The following PYROXD2 variants were observed in gnomAD, a reference collection of about 807,000 sequenced individuals.
PYROXD2 encodes pyridine nucleotide-disulphide oxidoreductase domain 2.
A neutral mutation model predicts 71.1 loss-of-function variants in PYROXD2; 69 were observed. The ratio of observed to expected loss-of-function variants is 0.97; its 90% CI spans 0.80 to 1.19. The LOEUF is 1.19. Ranked by LOEUF, PYROXD2 falls within the 50% of genes most tolerant of loss-of-function variation. The pLI is 0.00. For missense variants in PYROXD2, 745 were observed against 748.9 expected, an observed-to-expected ratio of 0.99 and a Z score of 0.06; for synonymous variants, 287 against 302.7, an observed-to-expected ratio of 0.95 and a Z score of 0.54.
chr10:98,407,187 C>G (rs1263464752), intron 4 of PYROXD2, among the ~76,000 whole-genome samples: 2 of 152,134 alleles, frequency 1.3e-5, no homozygotes, highest in African/African-American at 2.4e-5. Context: ...AGTCCCCAGG[C>G]CCCACTTCCT....
chr10:98,409,095 T>C (rs987306484), intron 2 of PYROXD2, among the ~76,000 whole-genome samples: 1 of 152,170 alleles, frequency 6.6e-6, no homozygotes, highest in Non-Finnish European at 1.5e-5. Flanking sequence ...GCACGCAAGG[T>C]GAGCTGCGTC....
Position 98,392,995 on chromosome 10 carries a change from C to G in PYROXD2, c.874G>C (p.Asp292His), listed in dbSNP as rs775549619. 1 of 1,613,784 alleles carries G rather than the reference C, an allele frequency of 6.2e-7. No individual in the cohort carries two copies. The highest frequency in any genetic ancestry group is 8.5e-7 in the Non-Finnish European group (1 of 1,179,774). ...YVQGGMGALS[D>H]AIASSATTHG... Reference sequence around the variant, plus strand: ...GTGGTGGCTGAGCTTGCGATCGCATCAGAGAGGGCACCCATGCCCCCCTGG... The same window carrying G: ...GTGGTGGCTGAGCTTGCGATCGCATGAGAGAGGGCACCCATGCCCCCCTGG... The change falls in exon 9 of 16, where the codon GAT becomes CAT. Residue 292 changes from aspartate (D) to histidine (H), a missense_variant. By Grantham distance (81) the Asp-to-His change is moderately conservative. Coordinates refer to ENST00000370575, the MANE Select transcript of PYROXD2 (RefSeq NM_032709.3).
intron 2 of PYROXD2, 125 bp from the exon 3 acceptor site, chr10:98,408,122 C>T: frequency 2.6e-6 from 2 of 774,436 alleles, no homozygotes; most frequent in Non-Finnish European, 4.1e-6. Context: ...CATGGCCTCC[C>T]TGCCCCGCTC....
At chr10:98,401,432 C>T (rs1843406971) in intron 4 of PYROXD2, among the ~76,000 whole-genome samples, 1 of 152,032 alleles carries the variant, frequency 6.6e-6, no homozygotes, top group Admixed American at 6.6e-5. Context: ...CTGTACACTA[C>T]TGCACACTTT....
chr10:98,414,722 C>T (rs1308281858), intron 1 of PYROXD2: 4 of 373,566 alleles, frequency 1.1e-5, no homozygotes, highest in Non-Finnish European at 1.9e-5. Context: ...AGGGAAACCC[C>T]TGAGCTCACC....
chr10:98,390,366 C>G (rs1465473474), intron 12 of PYROXD2, among the ~76,000 whole-genome samples: 1 of 152,164 alleles, frequency 6.6e-6, no homozygotes, highest in African/African-American at 2.4e-5. Flanking sequence ...AGTGCTCTGC[C>G]CCTCTGCCCC....
rs764388899 is a variant in PYROXD2 at position 98,391,087 on chromosome 10, AAGG to A, written c.1063-8_1063-6del. The A allele has an allele frequency of 1.6e-5, 26 of 1,601,656 alleles. No individual in the cohort carries two copies. Among genetic ancestry groups the A allele is most frequent in the African/African-American group, 1.6e-4 (12 of 74,630 alleles). On this transcript the variant is annotated splice_polypyrimidine_tract_variant and splice_region_variant and intron_variant, in intron 10 of 15. Coordinates refer to ENST00000370575, the MANE Select transcript of PYROXD2 (RefSeq NM_032709.3). ...GAACTCCTCAGGAAGCCACTCCTGG[AAGG>A]AGAAGGCTCCATGAAAGGCCTCAGA...
chr10:98,396,364 C>T (rs755574760), intron 6 of PYROXD2, among the ~76,000 whole-genome samples: 2 of 152,204 alleles, frequency 1.3e-5, no homozygotes, highest in African/African-American at 2.4e-5. Context: ...TGGAGCAGAG[C>T]TGCCTCCACT....
At chr10:98,394,081 A>G (rs1202259097) in intron 8 of PYROXD2, among the ~76,000 whole-genome samples, 1 of 152,176 alleles carries the variant, frequency 6.6e-6, no homozygotes, top group Non-Finnish European at 1.5e-5. Flanking sequence ...TCCTCCTAGC[A>G]TCACACTCAC....
intron 4 of PYROXD2, among the ~76,000 whole-genome samples, chr10:98,403,714 C>T (rs1311879787): frequency 2.0e-5 from 3 of 152,202 alleles, no homozygotes; most frequent in Admixed American, 1.3e-4. Flanking sequence ...GATGTCCTTC[C>T]TGGTCACCAT....
rs1001725467 is a variant in PYROXD2, at chr10:98,383,723, C to T, written c.*75G>A. On this transcript the variant is annotated 3_prime_UTR_variant, in exon 16 of 16. Coordinates refer to ENST00000370575, the MANE Select transcript of PYROXD2 (RefSeq NM_032709.3). Reference sequence around the variant, plus strand: ...TATGTACTAACCCGAAGCTGAACTTCCTGGGAAGCTGATCCAATGGAGCAC... The same window carrying T: ...TATGTACTAACCCGAAGCTGAACTTTCTGGGAAGCTGATCCAATGGAGCAC... 404 of 1,316,150 alleles carry T rather than the reference C, an allele frequency of 3.1e-4. 3 individuals are homozygous for T. Among genetic ancestry groups the T allele is most frequent in the Non-Finnish European group, 6.2e-5 (56 of 908,518 alleles). 81.5% of individuals were successfully genotyped at this position (1,316,150 alleles called of 1,614,324 possible).
In PYROXD2 at chr10:98,385,058, G is replaced by A. The variant is rs1842706951; in HGVS notation, c.1564C>T (p.His522Tyr). ...AGCTGGTCCAGGGACATGGCGCAGT[G>A]GAATATGTTCTGCAGAGGCAGGGCC... ...IFGLPGGNIF[H>Y]CAMSLDQLYF... Residue 522 changes from histidine to tyrosine, a missense_variant, in exon 15 of 16, where the codon CAC becomes TAC. Physicochemically the swap from His to Tyr is moderately conservative, Grantham distance 83 (BLOSUM62 2). Coordinates refer to ENST00000370575, the MANE Select transcript of PYROXD2 (RefSeq NM_032709.3). 6.2e-7 allele frequency: 1 copy of A among 1,613,704 alleles called. No individual in the cohort carries two copies. Among genetic ancestry groups the A allele is most frequent in the African/African-American group, 1.3e-5 (1 of 74,934 alleles).
chr10:98,408,843 A>C (rs909667049), intron 2 of PYROXD2, among the ~76,000 whole-genome samples: 4 of 152,188 alleles, frequency 2.6e-5, no homozygotes, highest in Non-Finnish European at 4.4e-5. Flanking sequence ...CAGTGAGTAC[A>C]TTGTCTTGTT....
intron 8 of PYROXD2, among the ~76,000 whole-genome samples, chr10:98,393,690 A>G (rs957917312): frequency 2.0e-5 from 3 of 152,026 alleles, no homozygotes; most frequent in African/African-American, 7.3e-5. Context: ...TCTCTCCTGC[A>G]GGTCTTGTCC....
intron 5 of PYROXD2, among the ~76,000 whole-genome samples, 193 bp downstream of exon 5, chr10:98,399,909 T>A (rs1454134995): frequency 6.6e-6 from 1 of 152,204 alleles, no homozygotes; most frequent in African/African-American, 2.4e-5. Context: ...CTGGTCTTAA[T>A]CAGCATCCTC....
chr10:98,389,594 C>T (rs74154406), intron 12 of PYROXD2, among the ~76,000 whole-genome samples: 6,831 of 152,282 alleles, frequency 0.045, 275 homozygotes, highest in Admixed American at 0.092. Context: ...TCCTATACAG[C>T]AGCACACTCC....
In PYROXD2 at chr10:98,390,713, C is replaced by T; in HGVS notation, c.1177G>A (p.Ala393Thr). Residue 393 changes from alanine to threonine, a missense_variant, in exon 12 of 16, where the codon GCT becomes ACT. By Grantham distance (58) the Ala-to-Thr change is moderately conservative. Transcript: ENST00000370575. ...TGGGGCAGCGGCTGGCCCCTGGGAG[C>T]ATTGGGGGCCGCCAGGAAGCTGGGC... Reference protein sequence around the residue: ...RLPSFLAAPNAPRGQPLPHHQ... With the variant: ...RLPSFLAAPNTPRGQPLPHHQ... 1 of 1,609,582 alleles carries T rather than the reference C, an allele frequency of 6.2e-7. No homozygotes were observed. The highest frequency in any genetic ancestry group is 8.5e-7 in the Non-Finnish European group (1 of 1,177,776).
At chr10:98,384,608 GC>G (rs1363390552) in intron 15 of PYROXD2, among the ~76,000 whole-genome samples, 1 of 152,196 alleles carries the variant, frequency 6.6e-6, no homozygotes, top group Non-Finnish European at 1.5e-5. Flanking sequence ...ATAGCGTGAA[GC>G]CCTGTCTAAA....
intron 1 of PYROXD2, 118 bp from the exon 2 acceptor site, chr10:98,411,076 C>A: frequency 7.2e-7 from 1 of 1,384,986 alleles, no homozygotes; most frequent in Non-Finnish European, 9.9e-7. Context: ...TCCTTGGTGA[C>A]CCTCCCCTCC....
Sources: allele counts gnomAD v4.1 joint callset (sites outside exome capture counted in the v4.1 genomes callset), GRCh38; gene constraint gnomAD v4.1.1; transcripts MANE v1.5; gene names NCBI Gene and HGNC (gene_info 2026-07-23, HGNC 2026-07-21).